POLA1: variants seen among roughly 807,000 people sequenced by gnomAD.
POLA1 encodes DNA polymerase alpha catalytic subunit.
POLA1 carries 15 observed loss-of-function variants against 124.0 expected under a neutral mutation model. The observed-to-expected ratio is 0.12, with a 90% CI of 0.08 to 0.19. POLA1 has a LOEUF of 0.19. Among genes scored for constraint, POLA1 ranks in the 10% least tolerant of loss-of-function variants. The pLI is 1.00. For synonymous variants in POLA1, 408 were observed against 389.4 expected (o/e 1.05, Z -0.56); for missense variants, 886 against 1,103.4 (o/e 0.80, Z 2.79).
intron 35 of POLA1, among the ~76,000 whole-genome samples, chrX:24,898,999 A>G (rs1025216751): frequency 9.0e-6 from 1 of 111,349 alleles, no homozygotes; most frequent in Non-Finnish European, 1.9e-5. Flanking sequence ...GAGTTCCCAG[A>G]GGGCACCAAT....
chrX:24,772,673 A>G (rs2045062955), intron 26 of POLA1, among the ~76,000 whole-genome samples: 1 of 111,155 alleles, frequency 9.0e-6, no homozygotes, highest in African/African-American at 3.3e-5. Context: ...TTAGTTTGCT[A>G]GGGATAATGG....
intron 16 of POLA1, among the ~76,000 whole-genome samples, chrX:24,733,353 G>A (rs1283288780): frequency 8.9e-6 from 1 of 112,372 alleles, no homozygotes; most frequent in African/African-American, 3.2e-5. Flanking sequence ...CAGCTGTTGT[G>A]TATGGTAAGG....
chrX:24,889,252 G>C (rs2047111718), intron 35 of POLA1, among the ~76,000 whole-genome samples: 1 of 111,626 alleles, frequency 9.0e-6, no homozygotes, highest in Non-Finnish European at 1.9e-5. Context: ...AGAAAGCATG[G>C]CATCTGGAAA....
At chrX:24,779,889 C>A (rs891180782) in intron 26 of POLA1, among the ~76,000 whole-genome samples, 16 of 112,121 alleles carry the variant, frequency 1.4e-4, no homozygotes, top group African/African-American at 5.2e-4. Flanking sequence ...AAACCCTCCT[C>A]ATGGTTGTAA....
chrX:24,914,607 G>A (rs891315096), intron 35 of POLA1, among the ~76,000 whole-genome samples: 1 of 109,381 alleles, frequency 9.1e-6, no homozygotes, highest in Non-Finnish European at 1.9e-5. Context: ...ACTCATGCAA[G>A]TTCTAGCCCT....
chrX:24,809,675 T>TA (rs2045865986), intron 26 of POLA1, among the ~76,000 whole-genome samples: 2 of 111,262 alleles, frequency 1.8e-5, no homozygotes, highest in South Asian at 7.6e-4. Context: ...TAAACATATA[T>TA]ATGTATATAT....
chrX:24,741,390 G>T lies in POLA1; in HGVS notation c.2232G>T (p.Leu744=), dbSNP rs775601448. The stretch of plus-strand genomic sequence containing the variant: ...TTCTGTACAGTGAATCTTCTCAACT[G>T]TTATACCTGTTGGAACACACCTGGA... The part of the protein sequence containing the change: ...IQNMYSESSQ[L]LYLLEHTWKD... Residue 744 remains leucine, a synonymous_variant, in exon 21 of 37, where the codon CTG becomes CTT. Coordinates refer to ENST00000379068, the MANE Select transcript of POLA1 (RefSeq NM_001330360.2). 1 of 1,194,048 alleles carries T rather than the reference G, an allele frequency of 8.4e-7. No homozygotes were observed. The highest frequency in any genetic ancestry group is 2.2e-5 in the Admixed American group (1 of 45,859).
chrX:24,984,729 G>A (rs1477280128), intron 36 of POLA1, among the ~76,000 whole-genome samples: 1 of 100,296 alleles, frequency 1.0e-5, no homozygotes, highest in Non-Finnish European at 2.0e-5. Flanking sequence ...GCGCGATCTC[G>A]GCTCACTGCA....
At chrX:24,957,511 C>G (rs1422366850) in intron 36 of POLA1, among the ~76,000 whole-genome samples, 1 of 110,969 alleles carries the variant, frequency 9.0e-6, no homozygotes, top group Non-Finnish European at 1.9e-5. Flanking sequence ...CCATGTACCA[C>G]GCTCAAGGTG....
At chrX:24,832,215 C>T (rs1177063944) in intron 32 of POLA1, among the ~76,000 whole-genome samples, 2 of 111,556 alleles carry the variant, frequency 1.8e-5, no homozygotes, top group East Asian at 5.6e-4. Context: ...GAATGGTTGC[C>T]CACCCTACTG....
intron 26 of POLA1, among the ~76,000 whole-genome samples, chrX:24,752,473 G>T (rs993945500): frequency 8.9e-6 from 1 of 112,169 alleles, no homozygotes; most frequent in Admixed American, 9.4e-5. Flanking sequence ...TGTTCTCAAT[G>T]TGTGTGTAGA....
At chrX:24,994,114 C>T (rs1042873241) in intron 36 of POLA1, among the ~76,000 whole-genome samples, 4 of 112,523 alleles carry the variant, frequency 3.6e-5, no homozygotes, top group Non-Finnish European at 5.6e-5. Context: ...TGGCCTGTGG[C>T]TCTGGCCTGC....
At chrX:24,702,839 A>T (rs1928550524) in intron 2 of POLA1, among the ~76,000 whole-genome samples, 1 of 112,569 alleles carries the variant, frequency 8.9e-6, no homozygotes, top group African/African-American at 3.2e-5. Context: ...TGCAGAGCGT[A>T]CATCAGCTAG....
intron 26 of POLA1, among the ~76,000 whole-genome samples, chrX:24,801,970 T>TGTGTGA (rs1339175196): frequency 1.5e-4 from 16 of 106,020 alleles, no homozygotes; most frequent in Non-Finnish European, 3.9e-5. Context: ...TGTGTGTGTG[T>TGTGTGA]GACATTTATT....
At chrX:24,744,661 T>C (rs1254698910) in intron 23 of POLA1, 2 of 314,576 alleles carry the variant, frequency 6.4e-6, no homozygotes, top group Non-Finnish European at 1.2e-5. Flanking sequence ...TGTAAAAGAA[T>C]AAATTACTCT....
intron 36 of POLA1, among the ~76,000 whole-genome samples, chrX:24,984,925 G>A (rs1183647984): frequency 9.0e-6 from 1 of 111,169 alleles, no homozygotes; most frequent in Non-Finnish European, 1.9e-5. Context: ...CTCCCAAAGT[G>A]CTGGGATTAC....
intron 35 of POLA1, among the ~76,000 whole-genome samples, chrX:24,910,144 A>T (rs1442186483): frequency 9.8e-6 from 1 of 102,294 alleles, no homozygotes; most frequent in Non-Finnish European, 2.0e-5. Flanking sequence ...GGGCTGAGAC[A>T]ATGGGGTTTT....
intron 23 of POLA1, chrX:24,744,294 C>T (rs1355844684): frequency 1.1e-5 from 2 of 188,203 alleles, no homozygotes; most frequent in South Asian, 9.0e-5. Flanking sequence ...TCTTGGGCTG[C>T]CTGTTTAACC....
chrX:24,989,179 G>A (rs1032365271), intron 36 of POLA1, among the ~76,000 whole-genome samples: 1 of 111,361 alleles, frequency 9.0e-6, no homozygotes, highest in Non-Finnish European at 1.9e-5. Flanking sequence ...GTTGAGGGGG[G>A]CAGTATAAAC....
Sources: allele counts gnomAD v4.1 joint callset (sites outside exome capture counted in the v4.1 genomes callset), GRCh38; gene constraint gnomAD v4.1.1; transcripts MANE v1.5; gene names NCBI Gene and HGNC (gene_info 2026-07-23, HGNC 2026-07-21).